Variants in CUBN observed in about 807,000 individuals in gnomAD.
CUBN encodes 460 kDa receptor.
A neutral mutation model predicts 405.3 loss-of-function variants in CUBN; 282 were observed. That is an observed-to-expected ratio of 0.70 (90% CI 0.63 to 0.77). The LOEUF is 0.77. CUBN is among the 30% of genes least tolerant of loss of function. The pLI is 0.00. For synonymous variants in CUBN, 1,684 were observed against 1,617.0 expected, an observed-to-expected ratio of 1.04 and a Z score of -0.99; for missense variants, 4,514 against 4,475.2, an observed-to-expected ratio of 1.01 and a Z score of -0.25.
In CUBN at chr10:16,825,088, A is replaced by G. The variant is rs753481580; in HGVS notation, c.10765-6T>C. The G allele has an allele frequency of 3.1e-6, 5 of 1,599,830 alleles. No individual in the cohort carries two copies. On this transcript the variant is annotated splice_polypyrimidine_tract_variant and splice_region_variant and intron_variant, in intron 66 of 66. Transcript: ENST00000377833. ...AAGGGAGCTATGCTGGTGTCCTAAA[A>G]TTGAAAAAAAAAGTATCCAATTATA... is the stretch of plus-strand genomic sequence containing the variant.
intron 28 of CUBN, among the ~76,000 whole-genome samples, chr10:16,991,721 C>T (rs1465037482): frequency 2.7e-5 from 4 of 148,842 alleles, no homozygotes; most frequent in Non-Finnish European, 4.4e-5. Flanking sequence ...TATGTGCGAT[C>T]ATCAAAAAGT....
chr10:16,986,793 A>G (rs765018564), intron 29 of CUBN, among the ~76,000 whole-genome samples: 1 of 152,152 alleles, frequency 6.6e-6, no homozygotes, highest in Non-Finnish European at 1.5e-5. Flanking sequence ...AACTGACAGC[A>G]TGTGCTCCCA....
chr10:17,036,114 T>C (rs745378676), intron 27 of CUBN, among the ~76,000 whole-genome samples: 1 of 152,108 alleles, frequency 6.6e-6, no homozygotes, highest in Non-Finnish European at 1.5e-5. Context: ...CATCACCGGC[T>C]AGAGGGCTTG....
intron 17 of CUBN, among the ~76,000 whole-genome samples, chr10:17,076,554 T>C (rs1217103203): frequency 6.6e-6 from 1 of 152,154 alleles, no homozygotes; most frequent in African/African-American, 2.4e-5. Context: ...TTTACATAGT[T>C]ATTCACTTCC....
chr10:16,902,337 T>C (rs1386625861), intron 51 of CUBN, among the ~76,000 whole-genome samples: 1 of 144,808 alleles, frequency 6.9e-6, no homozygotes, highest in African/African-American at 2.5e-5. Context: ...ATATATTTTG[T>C]ATTTTTTTGT....
At chr10:16,829,513 A>AT (rs1838910210) in intron 65 of CUBN, among the ~76,000 whole-genome samples, 1 of 152,178 alleles carries the variant, frequency 6.6e-6, no homozygotes, top group Non-Finnish European at 1.5e-5. Context: ...GGAGTGCGTT[A>AT]TTGTAGGTGA....
At chr10:16,964,349 T>C (rs1410141925) in intron 31 of CUBN, among the ~76,000 whole-genome samples, 4 of 152,218 alleles carry the variant, frequency 2.6e-5, no homozygotes, top group African/African-American at 4.8e-5. Context: ...CACGTCCATT[T>C]CATTGACTAG....
intron 24 of CUBN, among the ~76,000 whole-genome samples, chr10:17,045,473 C>T (rs370232311): frequency 4.0e-5 from 6 of 151,554 alleles, no homozygotes; most frequent in African/African-American, 1.2e-4. Flanking sequence ...GATTCTCCTG[C>T]CTCAGCCTCC....
At position 16,876,353 on chromosome 10, in the gene CUBN, G is replaced by A. The variant is rs533669109; in HGVS notation, c.9106+544C>T. On this transcript the variant is annotated intron_variant, in intron 57 of 66. Coordinates refer to ENST00000377833, the MANE Select transcript of CUBN (RefSeq NM_001081.4). The stretch of plus-strand genomic sequence containing the variant: ...AACAAATGCCTCTGTCCAGTCTATT[G>A]CTCCTCTTTTCTCTTTGCCTTTGAT... Among the ~76,000 whole-genome samples, 8 of 152,254 alleles carry A rather than the reference G, an allele frequency of 5.3e-5. No individual in the cohort carries two copies. The South Asian group carries it at 1.7e-3, about 32-fold the overall frequency.
chr10:17,018,632 T>C (rs955124690), intron 28 of CUBN, among the ~76,000 whole-genome samples: 4 of 152,290 alleles, frequency 2.6e-5, no homozygotes, highest in South Asian at 2.1e-4. Context: ...TTGCCGCTGC[T>C]GGCTAGGGTG....
At chr10:16,864,079 T>C (rs887792205) in intron 59 of CUBN, among the ~76,000 whole-genome samples, 5 of 152,204 alleles carry the variant, frequency 3.3e-5, no homozygotes, top group African/African-American at 1.2e-4. Context: ...GTGTTCTATA[T>C]GGTATATTAT....
At chr10:17,089,654 G>C (rs1465648498) in intron 14 of CUBN, among the ~76,000 whole-genome samples, 1 of 152,186 alleles carries the variant, frequency 6.6e-6, no homozygotes, top group Non-Finnish European at 1.5e-5. Flanking sequence ...GAGAATGCAA[G>C]ATGGTACGAT....
At chr10:16,917,241 G>A (rs1209634566) in intron 45 of CUBN, among the ~76,000 whole-genome samples, 1 of 151,962 alleles carries the variant, frequency 6.6e-6, no homozygotes. Context: ...TTCTTAAATG[G>A]TTTTATTACT....
chr10:16,914,545 C>T (rs899142538), intron 47 of CUBN, among the ~76,000 whole-genome samples: 13 of 150,808 alleles, frequency 8.6e-5, no homozygotes, highest in Non-Finnish European at 1.2e-4. Flanking sequence ...GACAACAGAG[C>T]GAGACACTGT....
At chr10:16,936,023 T>C (rs1402896314) in intron 39 of CUBN, among the ~76,000 whole-genome samples, 1 of 152,150 alleles carries the variant, frequency 6.6e-6, no homozygotes, top group East Asian at 1.9e-4. Flanking sequence ...TAATCACTTA[T>C]GCCATCTAGA....
intron 54 of CUBN, among the ~76,000 whole-genome samples, chr10:16,893,395 CGTGTGTGTGTGT>C (rs34859798): frequency 0.15 from 22,740 of 150,442 alleles, 2,028 homozygotes; most frequent in East Asian, 0.32. Flanking sequence ...TACTTGAACT[CGTGTGTGTGTGT>C]GTGTGTGTGT....
At chr10:17,115,675 A>G in intron 6 of CUBN, 78 bp from the exon 7 acceptor site, 1 of 1,513,112 alleles carries the variant, frequency 6.6e-7, no homozygotes, top group East Asian at 2.3e-5. Context: ...AATGAGAAAA[A>G]TAATTCAAAT....
At chr10:17,076,712 A>T (rs1227261821) in intron 17 of CUBN, among the ~76,000 whole-genome samples, 2 of 152,132 alleles carry the variant, frequency 1.3e-5, no homozygotes, top group East Asian at 3.9e-4. Flanking sequence ...AAAGTGATAC[A>T]CCAATTTCCA....
chr10:16,869,693 T>G lies in CUBN; in HGVS notation c.9397A>C (p.Lys3133Gln), dbSNP rs1432636083. ...TTTGCTGTCTGAAATGAATCTGTCTTGAACACCAGGAGCATACTATTATTG... is the reference window on the plus strand; with the variant it reads ...TTTGCTGTCTGAAATGAATCTGTCTGGAACACCAGGAGCATACTATTATTG... ...SSNNSMLLVF[K>Q]TDSFQTAKGW... Residue 3133 changes from lysine to glutamine, a missense_variant, in exon 59 of 67, where the codon AAG becomes CAG. Physicochemically the swap from Lys to Gln is moderately conservative, Grantham distance 53 (BLOSUM62 1). Coordinates refer to ENST00000377833, the MANE Select transcript of CUBN (RefSeq NM_001081.4). 1 of 1,614,108 alleles carries G rather than the reference T, an allele frequency of 6.2e-7. No homozygotes were observed. Among genetic ancestry groups the G allele is most frequent in the Middle Eastern group, 1.7e-4 (1 of 6,056 alleles).
Sources: gnomAD v4.1 joint callset for allele counts (sites outside exome capture counted in the v4.1 genomes callset) on GRCh38, gnomAD v4.1.1 for gene constraint, MANE v1.5 for transcripts, NCBI Gene and HGNC (gene_info 2026-07-23, HGNC 2026-07-21) for gene names.